The following LRRC4C variants were observed in gnomAD, a reference collection of about 807,000 sequenced individuals.
LRRC4C encodes the protein leucine-rich repeat-containing protein 4C.
In LRRC4C, 5 loss-of-function variants were observed where a neutral mutation model predicts 33.6. That is an observed-to-expected ratio of 0.15 (90% confidence interval 0.08 to 0.31). The LOEUF (loss-of-function observed/expected upper bound fraction) is 0.31. LRRC4C is among the 10% of genes least tolerant of loss of function. The probability of loss-of-function intolerance (pLI) is 1.00; values close to 1 mark genes in which losing one functional copy is unlikely to be tolerated. For synonymous variants in LRRC4C, 329 were observed against 302.0 expected (o/e 1.09, Z -0.93); for missense variants, 560 against 796.7 (o/e 0.70, Z 3.58).
intron 3 of LRRC4C, among the ~76,000 whole-genome samples, chr11:40,334,293 T>TA (rs1946497276): frequency 6.6e-6 from 1 of 151,088 alleles, no homozygotes; most frequent in Non-Finnish European, 1.5e-5. Context: ...AACATTTTAA[T>TA]AAAGCTTTTA....
At chr11:41,033,620 C>G (rs1186305795) in intron 1 of LRRC4C, among the ~76,000 whole-genome samples, 1 of 152,052 alleles carries the variant, frequency 6.6e-6, no homozygotes, top group Non-Finnish European at 1.5e-5. Context: ...ATATCCAAAC[C>G]AATCTGGAGG....
At position 40,431,874 on chromosome 11, in the gene LRRC4C, C is replaced by T. The variant is rs144082423; in HGVS notation, c.-269-112153G>A. On this transcript the variant is annotated intron_variant, in intron 3 of 6. Coordinates refer to ENST00000528697, the MANE Select transcript of LRRC4C (RefSeq NM_001258419.2). ...CTATTCCAGGGACTGAGCCCATCCT[C>T]ATTACACTATCATAACTCGCAGTAC... Among the ~76,000 whole-genome samples, 3 of 152,292 alleles carry T rather than the reference C, an allele frequency of 2.0e-5. No individual in the cohort carries two copies. The East Asian group carries it at 5.8e-4, about 29-fold the overall frequency.
chr11:41,422,464 A>G (rs1208341190), intron 1 of LRRC4C, among the ~76,000 whole-genome samples: 1 of 152,026 alleles, frequency 6.6e-6, no homozygotes, highest in Non-Finnish European at 1.5e-5. Flanking sequence ...CTAAGATAAT[A>G]CTTGGAATTA....
intron 5 of LRRC4C, among the ~76,000 whole-genome samples, chr11:40,183,110 T>TA (rs1222970074): frequency 6.6e-6 from 1 of 152,218 alleles, no homozygotes; most frequent in Non-Finnish European, 1.5e-5. Context: ...AGAGATTTTT[T>TA]AAAAAAATGT....
At chr11:41,061,836 C>T (rs1205024773) in intron 1 of LRRC4C, among the ~76,000 whole-genome samples, 3 of 152,024 alleles carry the variant, frequency 2.0e-5, no homozygotes, top group East Asian at 3.9e-4. Flanking sequence ...GTCTTTTTTG[C>T]TGTTAGATCT....
intron 2 of LRRC4C, among the ~76,000 whole-genome samples, chr11:40,721,563 T>C (rs1947014516): frequency 6.6e-6 from 1 of 152,250 alleles, no homozygotes; most frequent in Admixed American, 6.5e-5. Context: ...CATTTTCTTA[T>C]TGTGGACACA....
intron 2 of LRRC4C, among the ~76,000 whole-genome samples, chr11:40,706,749 G>T (rs1946186789): frequency 6.6e-6 from 1 of 152,168 alleles, no homozygotes; most frequent in Non-Finnish European, 1.5e-5. Context: ...TGTGAAGAAA[G>T]TCATTGGTAG....
intron 1 of LRRC4C, among the ~76,000 whole-genome samples, chr11:40,961,355 A>G (rs1315802121): frequency 2.0e-5 from 3 of 151,590 alleles, no homozygotes; most frequent in African/African-American, 7.3e-5. Context: ...TGTTACCAGG[A>G]AGCAAGAAGG....
chr11:41,181,063 A>G (rs1456676644), intron 1 of LRRC4C, among the ~76,000 whole-genome samples: 2 of 152,212 alleles, frequency 1.3e-5, no homozygotes, highest in African/African-American at 4.8e-5. Flanking sequence ...TAAACTAGGA[A>G]ATATTAATAG....
intron 2 of LRRC4C, among the ~76,000 whole-genome samples, chr11:40,877,198 C>T (rs1259265525): frequency 6.6e-6 from 1 of 151,984 alleles, no homozygotes; most frequent in Non-Finnish European, 1.5e-5. Flanking sequence ...CAGAAGCGAC[C>T]TCTTTGACCC....
At chr11:40,437,663 G>T (rs1458828165) in intron 3 of LRRC4C, among the ~76,000 whole-genome samples, 1 of 151,718 alleles carries the variant, frequency 6.6e-6, no homozygotes, top group Non-Finnish European at 1.5e-5. Flanking sequence ...CAAATTGCTG[G>T]GATTACAGGT....
At chr11:40,713,826 T>C (rs929164657) in intron 2 of LRRC4C, among the ~76,000 whole-genome samples, 6 of 152,212 alleles carry the variant, frequency 3.9e-5, no homozygotes, top group Admixed American at 1.3e-4. Context: ...AAAGAGACTG[T>C]AGAAGACATT....
At chr11:41,216,154 A>C (rs1471941006) in intron 1 of LRRC4C, among the ~76,000 whole-genome samples, 1 of 152,212 alleles carries the variant, frequency 6.6e-6, no homozygotes, top group Non-Finnish European at 1.5e-5. Context: ...TAGTCCTTGC[A>C]ACTGTTGCAA....
intron 1 of LRRC4C, among the ~76,000 whole-genome samples, chr11:41,341,796 A>C (rs757372073): frequency 3.3e-5 from 5 of 152,234 alleles, no homozygotes; most frequent in Non-Finnish European, 5.9e-5. Flanking sequence ...CGAAGTGAAG[A>C]TTCTGGCCAT....
chr11:40,380,046 G>C (rs1432945990), intron 3 of LRRC4C, among the ~76,000 whole-genome samples: 1 of 152,122 alleles, frequency 6.6e-6, no homozygotes, highest in Non-Finnish European at 1.5e-5. Context: ...GAACTATTAA[G>C]ACAGTAATTG....
At chr11:40,850,032 A>G (rs1953403758) in intron 2 of LRRC4C, among the ~76,000 whole-genome samples, 1 of 151,512 alleles carries the variant, frequency 6.6e-6, no homozygotes, top group African/African-American at 2.4e-5. Flanking sequence ...AATTCCTCTA[A>G]CCTTTTATCA....
rs150093030 is a variant in LRRC4C at position 40,583,161 on chromosome 11, G to A, written c.-270+64981C>T. On this transcript the variant is annotated intron_variant, in intron 3 of 6. Coordinates refer to ENST00000528697, the MANE Select transcript of LRRC4C (RefSeq NM_001258419.2). ...AACTTTTCCCATTCTATAAATTCCC[G>A]TTCTCGGGTGACCACATGACTGATA... is the stretch of plus-strand genomic sequence containing the variant. Among the ~76,000 whole-genome samples, 393 of 151,662 alleles carry A rather than the reference G, an allele frequency of 2.6e-3. 2 individuals are homozygous for A. The highest frequency in any genetic ancestry group is 8.4e-3 in the African/African-American group (348 of 41,322).
chr11:40,372,866 T>C (rs1477421184), intron 3 of LRRC4C, among the ~76,000 whole-genome samples: 1 of 150,858 alleles, frequency 6.6e-6, no homozygotes, highest in Non-Finnish European at 1.5e-5. Flanking sequence ...TTAGAGCATA[T>C]GCTCAATTTT....
chr11:40,549,220 C>T (rs1404005248), intron 3 of LRRC4C, among the ~76,000 whole-genome samples: 2 of 152,120 alleles, frequency 1.3e-5, no homozygotes, highest in African/African-American at 4.8e-5. Flanking sequence ...AGATATGTAG[C>T]TTATGATACA....
Sources: allele counts gnomAD v4.1 joint callset (sites outside exome capture counted in the v4.1 genomes callset), GRCh38; gene constraint gnomAD v4.1.1; transcripts MANE v1.5; gene names NCBI Gene and HGNC (gene_info 2026-07-23, HGNC 2026-07-21).